FARS2: variants seen among roughly 807,000 people sequenced by gnomAD.
The protein encoded by FARS2 is phenylalanine--tRNA ligase, mitochondrial.
FARS2 carries 40 observed loss-of-function variants against 46.4 expected under a neutral mutation model. The observed-to-expected ratio is 0.86, with a 90% CI of 0.67 to 1.12. The LOEUF (loss-of-function observed/expected upper bound fraction) is 1.12. Ranked by LOEUF, FARS2 falls within the 50% of genes most tolerant of loss-of-function variation. FARS2 has a pLI of 0.00. For synonymous variants in FARS2, 234 were observed against 214.9 expected (o/e 1.09, Z -0.78); for missense variants, 513 against 567.9 (o/e 0.90, Z 0.98).
intron 3 of FARS2, among the ~76,000 whole-genome samples, chr6:5,429,251 C>G (rs891120722): frequency 2.6e-5 from 4 of 151,910 alleles, no homozygotes; most frequent in African/African-American, 9.7e-5. Flanking sequence ...TAATGTTTGT[C>G]TATTTAACAC....
chr6:5,478,050 C>A (rs1362079627), intron 4 of FARS2, among the ~76,000 whole-genome samples: 9 of 148,208 alleles, frequency 6.1e-5, no homozygotes, highest in Non-Finnish European at 1.3e-4. Context: ...AAAAACAAAC[C>A]AGTAACAATG....
intron 4 of FARS2, among the ~76,000 whole-genome samples, chr6:5,436,805 T>G (rs1358661150): frequency 6.6e-6 from 1 of 152,176 alleles, no homozygotes; most frequent in East Asian, 1.9e-4. Flanking sequence ...GATATGCATA[T>G]TAAACAAATA....
intron 3 of FARS2, among the ~76,000 whole-genome samples, chr6:5,407,945 T>C (rs897763285): frequency 2.0e-5 from 3 of 152,072 alleles, no homozygotes; most frequent in Non-Finnish European, 2.9e-5. Context: ...TTTAAGGAGG[T>C]AGCATTGTGT....
chr6:5,459,391 C>G (rs1196082433), intron 4 of FARS2, among the ~76,000 whole-genome samples: 2 of 146,624 alleles, frequency 1.4e-5, no homozygotes, highest in Admixed American at 1.4e-4. Flanking sequence ...TTTTTTTTGA[C>G]CCTAGTATAC....
At chr6:5,454,517 T>C (rs1003861935) in intron 4 of FARS2, among the ~76,000 whole-genome samples, 4 of 152,062 alleles carry the variant, frequency 2.6e-5, no homozygotes, top group Non-Finnish European at 4.4e-5. Flanking sequence ...GCTAATTTTT[T>C]GTATTTTTAG....
At chr6:5,564,122 ACT>A (rs1010408842) in intron 5 of FARS2, among the ~76,000 whole-genome samples, 3 of 151,500 alleles carry the variant, frequency 2.0e-5, no homozygotes, top group African/African-American at 7.3e-5. Context: ...AGCAATGGAA[ACT>A]CTCTGTCCAA....
rs571660462 is a variant in FARS2 at position 5,695,491 on chromosome 6, C to T, written c.1218-75800C>T. ...TAAAGCCACCATTTACTGAACACTT[C>T]CTGTGTGCCGTGCACTCAGTTGTAA... On this transcript the variant is annotated intron_variant, in intron 6 of 6. Transcript: ENST00000274680. Among the ~76,000 whole-genome samples, 55 of 152,364 alleles carry T rather than the reference C, an allele frequency of 3.6e-4. 1 individual carries two copies. The highest frequency in any genetic ancestry group is 6.8e-3 in the Middle Eastern group (2 of 294).
intron 5 of FARS2, among the ~76,000 whole-genome samples, chr6:5,594,594 G>A (rs998637002): frequency 2.0e-5 from 3 of 152,202 alleles, no homozygotes; most frequent in Non-Finnish European, 4.4e-5. Context: ...GAGGTAGATG[G>A]CAGAAAGCAG....
At chr6:5,503,397 CACACACACAG>C (rs1244186347) in intron 4 of FARS2, among the ~76,000 whole-genome samples, 9 of 71,608 alleles carry the variant, frequency 1.3e-4, no homozygotes, top group South Asian at 7.6e-4. Flanking sequence ...CACACACACA[CACACACACAG>C]AGAGAGAGAG....
chr6:5,544,144 G>C (rs1239105449), intron 4 of FARS2, among the ~76,000 whole-genome samples: 1 of 152,174 alleles, frequency 6.6e-6, no homozygotes, highest in Non-Finnish European at 1.5e-5. Context: ...CTCCCTGGCT[G>C]CTGGTGCCTC....
chr6:5,647,696 G>A (rs1777146706), intron 6 of FARS2, among the ~76,000 whole-genome samples: 3 of 152,182 alleles, frequency 2.0e-5, no homozygotes, highest in Admixed American at 2.0e-4. Context: ...AGCAAAACAG[G>A]TTCAAAATAA....
chr6:5,388,416 G>A (rs1032981649), intron 2 of FARS2, among the ~76,000 whole-genome samples: 13 of 152,058 alleles, frequency 8.5e-5, no homozygotes, highest in African/African-American at 3.1e-4. Context: ...GGGGTTCATC[G>A]GGGATTAATA....
chr6:5,395,584 ATAT>A (rs1350099872), intron 2 of FARS2, among the ~76,000 whole-genome samples: 1 of 152,200 alleles, frequency 6.6e-6, no homozygotes. Context: ...TACTAGTGAA[ATAT>A]TCCCCTCCAT....
rs6918561 is a variant in FARS2 at position 5,669,388 on chromosome 6, C to G, written c.1217+56068C>G. ...CAGCCCACCTCCCCCCACCCCCCCG[C>G]TGCCTATAAAACCTTTTGTGGGAAA... On this transcript the variant is annotated intron_variant, in intron 6 of 6. Coordinates refer to ENST00000274680, the MANE Select transcript of FARS2 (RefSeq NM_006567.5). Among the ~76,000 whole-genome samples, 9 of 148,510 alleles carry G rather than the reference C, an allele frequency of 6.1e-5. No homozygotes were observed. The East Asian group carries it at 1.2e-3, about 20-fold the overall frequency.
intron 6 of FARS2, among the ~76,000 whole-genome samples, chr6:5,624,880 G>T (rs372018218): frequency 4.0e-4 from 60 of 151,512 alleles, no homozygotes; most frequent in African/African-American, 1.1e-3. Context: ...ATTGTTCGAG[G>T]TTTTTAAACT....
rs1441628443 is a variant in FARS2 at position 5,664,902 on chromosome 6, C to T, written c.1217+51582C>T. On this transcript the variant is annotated intron_variant, in intron 6 of 6. Coordinates refer to ENST00000274680, the MANE Select transcript of FARS2 (RefSeq NM_006567.5). ...CTTCATTTTTATTATTTTGGTCCTG[C>T]CAGTTCTCTTCATCTGGTTTCCTGT... 6 of 152,322 alleles carry T rather than the reference C, an allele frequency of 3.9e-5. No individual in the cohort carries two copies. In the East Asian group the frequency reaches 1.2e-3, roughly 29 times the overall value. 9.4% of individuals were successfully genotyped at this position (152,322 alleles called of 1,614,324 possible).
chr6:5,558,954 G>A (rs1025284031), intron 5 of FARS2, among the ~76,000 whole-genome samples: 3 of 151,970 alleles, frequency 2.0e-5, no homozygotes, highest in Non-Finnish European at 4.4e-5. Flanking sequence ...TTTGAGAAGC[G>A]ATTTTGCATC....
intron 2 of FARS2, among the ~76,000 whole-genome samples, chr6:5,388,228 A>G (rs990153454): frequency 2.0e-5 from 3 of 152,162 alleles, no homozygotes; most frequent in African/African-American, 7.2e-5. Flanking sequence ...CTTAAACCCT[A>G]TGTCTTCTTA....
At chr6:5,600,984 TTAGTGC>T in intron 5 of FARS2, among the ~76,000 whole-genome samples, 1 of 148,356 alleles carries the variant, frequency 6.7e-6, no homozygotes, top group Non-Finnish European at 1.5e-5. Context: ...AGGAATGGGA[TTAGTGC>T]CATTAGAGGA....
Sources: gnomAD v4.1 joint callset for allele counts (sites outside exome capture counted in the v4.1 genomes callset) on GRCh38, gnomAD v4.1.1 for gene constraint, MANE v1.5 for transcripts, NCBI Gene and HGNC (gene_info 2026-07-23, HGNC 2026-07-21) for gene names.